Variants in EXOC6B observed in about 807,000 individuals in gnomAD.
EXOC6B encodes the protein SEC15 homolog B.
In EXOC6B, 54 loss-of-function variants were observed where a neutral mutation model predicts 113.5. The observed-to-expected ratio is 0.48, with a 90% CI of 0.38 to 0.60. The LOEUF is 0.60. EXOC6B is among the 20% of genes least tolerant of loss of function. EXOC6B has a pLI of 0.00. For synonymous variants in EXOC6B, 357 were observed against 339.0 expected, an observed-to-expected ratio of 1.05 and a Z score of -0.58; for missense variants, 797 against 977.5, an observed-to-expected ratio of 0.82 and a Z score of 2.46.
chr2:72,385,450 C>A (rs1250552692), intron 18 of EXOC6B, among the ~76,000 whole-genome samples: 2 of 150,168 alleles, frequency 1.3e-5, no homozygotes, highest in Admixed American at 6.6e-5. Flanking sequence ...TTGATCTGTA[C>A]AATGACTTTT....
intron 6 of EXOC6B, among the ~76,000 whole-genome samples, chr2:72,608,312 CAAT>C (rs1670871304): frequency 1.3e-5 from 2 of 152,022 alleles, no homozygotes; most frequent in East Asian, 3.8e-4. Context: ...AAGGAACAAA[CAAT>C]AAAAGTTCAG....
At chr2:72,814,934 T>C (rs761220109) in intron 1 of EXOC6B, among the ~76,000 whole-genome samples, 1 of 152,100 alleles carries the variant, frequency 6.6e-6, no homozygotes, top group Admixed American at 6.5e-5. Context: ...GAGCTTGCAG[T>C]GAACCGAGAT....
chr2:72,680,255 G>T (rs1166615202), intron 6 of EXOC6B, among the ~76,000 whole-genome samples: 1 of 152,190 alleles, frequency 6.6e-6, no homozygotes, highest in East Asian at 1.9e-4. Flanking sequence ...TGGCTGCCTA[G>T]CTTCAAATCC....
intron 20 of EXOC6B, among the ~76,000 whole-genome samples, chr2:72,286,535 C>A (rs948077542): frequency 6.6e-6 from 1 of 152,066 alleles, no homozygotes; most frequent in Non-Finnish European, 1.5e-5. Flanking sequence ...GATTTTAGGG[C>A]ATCAAAATTA....
chr2:72,615,980 GTA>G (rs987923992), intron 6 of EXOC6B, among the ~76,000 whole-genome samples: 1 of 151,852 alleles, frequency 6.6e-6, no homozygotes, highest in African/African-American at 2.4e-5. Context: ...ATTTTTCAAT[GTA>G]AACCAAAATA....
intron 20 of EXOC6B, among the ~76,000 whole-genome samples, chr2:72,287,599 G>C (rs2104697176): frequency 6.6e-6 from 1 of 151,778 alleles, no homozygotes; most frequent in Non-Finnish European, 1.5e-5. Flanking sequence ...ACCAATAGTA[G>C]GAATGAAAAA....
chr2:72,348,793 G>A (rs895374529), intron 19 of EXOC6B, among the ~76,000 whole-genome samples: 2 of 152,078 alleles, frequency 1.3e-5, no homozygotes, highest in Non-Finnish European at 2.9e-5. Context: ...CTAATGTTCA[G>A]GACTCTTGAG....
intron 1 of EXOC6B, among the ~76,000 whole-genome samples, chr2:72,815,496 A>G (rs926841943): frequency 1.3e-4 from 19 of 148,846 alleles, no homozygotes; most frequent in Non-Finnish European, 2.1e-4. Context: ...TGTTTCAAAA[A>G]AAAAAAAAAG....
chr2:72,370,763 C>CA (rs1690951153), intron 19 of EXOC6B, among the ~76,000 whole-genome samples: 2 of 150,224 alleles, frequency 1.3e-5, no homozygotes, highest in Middle Eastern at 3.4e-3. Flanking sequence ...ATCACAAGGA[C>CA]AAAAAACCAA....
intron 8 of EXOC6B, among the ~76,000 whole-genome samples, chr2:72,552,167 G>T (rs1048367337): frequency 6.6e-6 from 1 of 151,972 alleles, no homozygotes; most frequent in Non-Finnish European, 1.5e-5. Flanking sequence ...AAATAAACTA[G>T]CCATTTCACA....
At chr2:72,298,316 T>C (rs1686277230) in intron 20 of EXOC6B, among the ~76,000 whole-genome samples, 1 of 152,220 alleles carries the variant, frequency 6.6e-6, no homozygotes, top group Non-Finnish European at 1.5e-5. Context: ...CCCTGCTTTT[T>C]TTTTAACTTT....
At chr2:72,359,957 C>T (rs1159265238) in intron 19 of EXOC6B, among the ~76,000 whole-genome samples, 1 of 152,130 alleles carries the variant, frequency 6.6e-6, no homozygotes, top group Non-Finnish European at 1.5e-5. Context: ...CTGGCTCCCC[C>T]TTCTCTATCT....
At chr2:72,634,970 T>C (rs1672721883) in intron 6 of EXOC6B, among the ~76,000 whole-genome samples, 1 of 151,264 alleles carries the variant, frequency 6.6e-6, no homozygotes, top group East Asian at 1.9e-4. Flanking sequence ...CTAAATAATA[T>C]ATGGGTCAAG....
chr2:72,481,220 T>C (rs536383133), intron 16 of EXOC6B, among the ~76,000 whole-genome samples: 1 of 152,318 alleles, frequency 6.6e-6, no homozygotes, highest in African/African-American at 2.4e-5. Context: ...TGCTGAACTG[T>C]GAGTAAATTA....
At chr2:72,389,290 A>C (rs192805252) in intron 18 of EXOC6B, among the ~76,000 whole-genome samples, 1 of 152,028 alleles carries the variant, frequency 6.6e-6, no homozygotes, top group Admixed American at 6.5e-5. Flanking sequence ...TTTATCTTGA[A>C]TTATATTACA....
intron 20 of EXOC6B, among the ~76,000 whole-genome samples, chr2:72,192,470 T>C (rs918456388): frequency 1.3e-5 from 2 of 152,150 alleles, no homozygotes; most frequent in Admixed American, 1.3e-4. Context: ...CCCAGACATT[T>C]GAATTCAAGG....
chr2:72,677,529 C>T (rs1289667611), intron 6 of EXOC6B, among the ~76,000 whole-genome samples: 1 of 152,170 alleles, frequency 6.6e-6, no homozygotes, highest in Non-Finnish European at 1.5e-5. Context: ...GTCTACTCTT[C>T]ACACTTTTAA....
chr2:72,282,772 C>G (rs1052173540), intron 20 of EXOC6B, among the ~76,000 whole-genome samples: 9 of 152,044 alleles, frequency 5.9e-5, no homozygotes, highest in Admixed American at 6.6e-5. Context: ...CATGACTATA[C>G]TAACATCAGA....
chr2:72,764,008 G>A, intron 1 of EXOC6B, among the ~76,000 whole-genome samples: 1 of 152,054 alleles, frequency 6.6e-6, no homozygotes, highest in East Asian at 1.9e-4. Flanking sequence ...GAGCCCAGGA[G>A]GTCAAGGCTC....
Sources: allele counts gnomAD v4.1 joint callset (sites outside exome capture counted in the v4.1 genomes callset), GRCh38; gene constraint gnomAD v4.1.1; transcripts MANE v1.5; gene names NCBI Gene and HGNC (gene_info 2026-07-23, HGNC 2026-07-21).